BCAS1: variants seen among roughly 807,000 people sequenced by gnomAD.
BCAS1 encodes the protein brain enriched myelin associated protein 1.
BCAS1 carries 46 observed loss-of-function variants against 65.4 expected under a neutral mutation model. The observed-to-expected ratio is 0.70, with a 90% CI of 0.55 to 0.90. The LOEUF is 0.90. Among genes scored for constraint, BCAS1 ranks in the 40% least tolerant of loss-of-function variants. BCAS1 has a pLI of 0.00. For missense variants in BCAS1, 793 were observed against 771.2 expected, an observed-to-expected ratio of 1.03 and a Z score of -0.33; for synonymous variants, 298 against 293.5, an observed-to-expected ratio of 1.02 and a Z score of -0.16.
rs2091432241 is a variant in BCAS1 at position 54,016,086 on chromosome 20, C to T, written c.723+12306G>A. ...TCATTTTTACCCAGAGGAGATTCTT[C>T]TGCATGCTATTTTGAAATCTGCTTT... On this transcript the variant is annotated intron_variant, in intron 4 of 12. Transcript: ENST00000688948. Among the ~76,000 whole-genome samples, 6 of 152,334 alleles carry T rather than the reference C, an allele frequency of 3.9e-5. No individual in the cohort carries two copies. In the South Asian group the frequency reaches 1.2e-3, roughly 32 times the overall value.
At chr20:54,008,083 C>T (rs560113256) in intron 4 of BCAS1, among the ~76,000 whole-genome samples, 35 of 152,210 alleles carry the variant, frequency 2.3e-4, no homozygotes, top group Non-Finnish European at 1.5e-5. Context: ...TCTGGCAAGA[C>T]AGAAAACTTT....
intron 3 of BCAS1, among the ~76,000 whole-genome samples, chr20:54,056,202 G>A (rs1384999427): frequency 1.3e-5 from 2 of 152,008 alleles, no homozygotes; most frequent in African/African-American, 2.4e-5. Flanking sequence ...AAGTAGCTAT[G>A]TATGGTGGTG....
intron 1 of BCAS1, among the ~76,000 whole-genome samples, chr20:54,064,478 C>T (rs938987578): frequency 3.9e-5 from 6 of 152,208 alleles, no homozygotes; most frequent in Admixed American, 1.3e-4. Context: ...GCTTTGCTGA[C>T]GCACTGTTTC....
chr20:53,963,877 T>C (rs552531287), intron 10 of BCAS1, among the ~76,000 whole-genome samples: 18 of 152,346 alleles, frequency 1.2e-4, no homozygotes, highest in Middle Eastern at 6.8e-3. Context: ...CACATGTGCA[T>C]AGAAGTAAGT....
intron 9 of BCAS1, among the ~76,000 whole-genome samples, chr20:53,973,341 CTTTAT>C (rs1285640307): frequency 1.3e-5 from 2 of 151,186 alleles, no homozygotes; most frequent in Non-Finnish European, 1.5e-5. Context: ...TATAATGCTT[CTTTAT>C]TTTATTTAAC....
chr20:54,036,677 T>C (rs2091905331), intron 3 of BCAS1, among the ~76,000 whole-genome samples: 1 of 151,394 alleles, frequency 6.6e-6, no homozygotes, highest in African/African-American at 2.4e-5. Flanking sequence ...GCCCATACAG[T>C]GCTTACCACA....
Position 53,953,496 on chromosome 20 carries a change from C to A in BCAS1, c.1751G>T (p.Gly584Val). ...ATVDTNSLQN[G>V]DKLQKRPEKR... ...CTCAGGTCTCTTTTGGAGCTTGTCCCCATTCTGCAGTGAGTTCGTGTCCAC... is the reference window on the plus strand; with the variant it reads ...CTCAGGTCTCTTTTGGAGCTTGTCCACATTCTGCAGTGAGTTCGTGTCCAC... The change falls in exon 12 of 13, where the codon GGG (glycine) becomes GTG (valine). Residue 584 changes from glycine (G) to valine (V), a missense_variant. Gly to Val is a moderately radical substitution (Grantham distance 109). Transcript: ENST00000688948. 6.2e-7 allele frequency: 1 copy of A among 1,614,032 alleles called. No individual in the cohort carries two copies.
At chr20:53,982,877 A>C (rs559633383) in intron 8 of BCAS1, among the ~76,000 whole-genome samples, 1 of 152,336 alleles carries the variant, frequency 6.6e-6, no homozygotes, top group African/African-American at 2.4e-5. Context: ...CTTAGCACAA[A>C]TAAAGTAATT....
intron 4 of BCAS1, among the ~76,000 whole-genome samples, chr20:54,010,651 G>A (rs2091299657): frequency 6.6e-6 from 1 of 152,148 alleles, no homozygotes; most frequent in Non-Finnish European, 1.5e-5. Flanking sequence ...ACATAGTAAA[G>A]ATGTCAATCT....
intron 10 of BCAS1, among the ~76,000 whole-genome samples, chr20:53,965,865 A>G (rs1265416209): frequency 1.3e-5 from 2 of 152,220 alleles, no homozygotes; most frequent in African/African-American, 4.8e-5. Flanking sequence ...GACCACCAAG[A>G]GAAGGAAACT....
At chr20:54,065,795 G>A (rs1010143188) in intron 1 of BCAS1, among the ~76,000 whole-genome samples, 1 of 152,214 alleles carries the variant, frequency 6.6e-6, no homozygotes, top group Non-Finnish European at 1.5e-5. Flanking sequence ...TCTGAGAAGT[G>A]AGGGGTGGAG....
intron 1 of BCAS1, among the ~76,000 whole-genome samples, chr20:54,062,538 A>G (rs1298961452): frequency 6.6e-6 from 1 of 152,230 alleles, no homozygotes; most frequent in Non-Finnish European, 1.5e-5. Context: ...TTATTTTAAC[A>G]GTAGGATTAC....
At chr20:53,988,547 C>T (rs563787808) in intron 7 of BCAS1, among the ~76,000 whole-genome samples, 111 of 152,216 alleles carry the variant, frequency 7.3e-4, no homozygotes, top group Middle Eastern at 3.4e-3. Flanking sequence ...TACATATTTT[C>T]GGGGGGTCCA....
intron 9 of BCAS1, among the ~76,000 whole-genome samples, chr20:53,975,103 G>A (rs1019736727): frequency 2.1e-4 from 32 of 152,180 alleles, no homozygotes; most frequent in Non-Finnish European, 3.7e-4. Context: ...GAAGCGCAAA[G>A]CTGTTCTTAC....
At position 54,070,427 on chromosome 20, in the gene BCAS1, A is replaced by G. The variant is rs1349431119; in HGVS notation, c.-6+6T>C. On this transcript the variant is annotated splice_donor_region_variant and intron_variant, in intron 1 of 12. Transcript: ENST00000688948. ...AGCCATGCCTAAAGGATCTGAAAGC[A>G]GTTACCTGCTGAGCCCCTGTGGGAG... 2 of 152,570 alleles carry G rather than the reference A, an allele frequency of 1.3e-5. No individual in the cohort carries two copies. Among genetic ancestry groups the G allele is most frequent in the Middle Eastern group, 3.1e-3 (1 of 322 alleles). The allele number at this position is 152,570 out of a possible 1,614,324, so 9.5% of individuals were successfully genotyped here. A position where few individuals can be genotyped will look rare whatever the true frequency, so the allele number is the denominator to read the frequency against.
At chr20:54,031,865 G>A (rs1441889159) in intron 3 of BCAS1, among the ~76,000 whole-genome samples, 1 of 151,154 alleles carries the variant, frequency 6.6e-6, no homozygotes, top group Non-Finnish European at 1.5e-5. Context: ...ATTGATTGGG[G>A]TGTCTGAAAG....
At chr20:54,007,744 C>T (rs2091232060) in intron 4 of BCAS1, among the ~76,000 whole-genome samples, 1 of 151,924 alleles carries the variant, frequency 6.6e-6, no homozygotes, top group South Asian at 2.1e-4. Flanking sequence ...CTTAGATTGA[C>T]ATTAAAAAAT....
At position 53,965,945 on chromosome 20, in the gene BCAS1, C is replaced by T. The variant is rs139156396; in HGVS notation, c.1485+961G>A. On this transcript the variant is annotated intron_variant, in intron 10 of 12. Coordinates refer to ENST00000688948, the MANE Select transcript of BCAS1 (RefSeq NM_001366298.2). ...ATGCTGTTGTATGCCAAAATTTGGA[C>T]GCAACCACAATTAAAAGGCCGAAAA... 6.6e-3 allele frequency among the ~76,000 whole-genome samples: 994 copies of T among 151,560 alleles called. 10 individuals carry two copies. Among genetic ancestry groups the T allele is most frequent in the Middle Eastern group, 0.01 (3 of 294 alleles).
chr20:54,044,141 T>C (rs967941399), intron 3 of BCAS1, among the ~76,000 whole-genome samples: 4 of 152,280 alleles, frequency 2.6e-5, no homozygotes, highest in African/African-American at 9.6e-5. Context: ...TAGGTGTGTT[T>C]ATTCTATTTC....
Sources: gnomAD v4.1 joint callset for allele counts (sites outside exome capture counted in the v4.1 genomes callset) on GRCh38, gnomAD v4.1.1 for gene constraint, MANE v1.5 for transcripts, NCBI Gene and HGNC (gene_info 2026-07-23, HGNC 2026-07-21) for gene names.